The following CELF2 variants were observed in gnomAD, a reference collection of about 807,000 sequenced individuals.
CELF2 encodes the protein CUGBP Elav-like family member 2.
In CELF2, 8 loss-of-function variants were observed where a neutral mutation model predicts 62.6. The ratio of observed to expected loss-of-function variants is 0.13; its 90% confidence interval spans 0.07 to 0.23. The LOEUF is 0.23. CELF2 is among the 10% of genes least tolerant of loss of function. The pLI, the probability that CELF2 is intolerant of heterozygous loss-of-function variation, is 1.00. For synonymous variants in CELF2, 258 were observed against 250.0 expected, an observed-to-expected ratio of 1.03 and a Z score of -0.30; for missense variants, 333 against 671.0, an observed-to-expected ratio of 0.50 and a Z score of 5.56.
At chr10:11,303,996 A>G (rs2093994399) in intron 9 of CELF2, among the ~76,000 whole-genome samples, 1 of 152,270 alleles carries the variant, frequency 6.6e-6, no homozygotes, top group Admixed American at 6.5e-5. Context: ...GCTCACTGTT[A>G]GCTTTATTCC....
the CELF2 span, among the ~76,000 whole-genome samples, chr10:10,711,831 G>A: frequency 2.6e-5 from 4 of 152,086 alleles, no homozygotes; most frequent in African/African-American, 9.7e-5. Context: ...GCAGTGAGCC[G>A]AGATCGTGCC....
intron 2 of CELF2, among the ~76,000 whole-genome samples, chr10:11,180,482 G>C (rs2072952022): frequency 6.6e-6 from 1 of 152,188 alleles, no homozygotes; most frequent in South Asian, 2.1e-4. Flanking sequence ...TCTGGACTCG[G>C]TAAAACCGAC....
intron 1 of CELF2, among the ~76,000 whole-genome samples, chr10:11,084,243 G>C (rs2074810017): frequency 2.0e-5 from 3 of 152,226 alleles, no homozygotes; most frequent in Admixed American, 2.0e-4. Flanking sequence ...ATATGGTGGT[G>C]GAAACAAACG....
intron 1 of CELF2, among the ~76,000 whole-genome samples, chr10:10,873,545 G>C (rs886613709): frequency 1.3e-5 from 2 of 152,174 alleles, no homozygotes; most frequent in Admixed American, 1.3e-4. Context: ...TCATATTGTT[G>C]ATAACAGGCA....
At chr10:10,750,406 G>A in the CELF2 span, among the ~76,000 whole-genome samples, 2 of 152,196 alleles carry the variant, frequency 1.3e-5, no homozygotes, top group Non-Finnish European at 2.9e-5. Flanking sequence ...CAAAAAATCA[G>A]AGAAAGATTC....
chr10:10,617,897 T>A, the CELF2 span, among the ~76,000 whole-genome samples: 1 of 152,122 alleles, frequency 6.6e-6, no homozygotes, highest in Non-Finnish European at 1.5e-5. Flanking sequence ...TTTTCCTAAT[T>A]GGTACAACAT....
At chr10:10,619,730 G>A in the CELF2 span, among the ~76,000 whole-genome samples, 2 of 152,222 alleles carry the variant, frequency 1.3e-5, no homozygotes, top group Non-Finnish European at 1.5e-5. Flanking sequence ...CCAGAATCTT[G>A]AAGATAGGAG....
At chr10:11,196,979 G>GAGAA (rs139016929) in intron 2 of CELF2, among the ~76,000 whole-genome samples, 2 of 33,436 alleles carry the variant, frequency 6.0e-5, no homozygotes, top group African/African-American at 2.2e-4. Context: ...GAAAGAAAGA[G>GAGAA]AGAAAGAAAG....
At chr10:10,723,949 A>G in the CELF2 span, among the ~76,000 whole-genome samples, 7 of 152,296 alleles carry the variant, frequency 4.6e-5, no homozygotes, top group Middle Eastern at 6.8e-3. Flanking sequence ...TTCATCTCCA[A>G]TGTACCAGTA....
the CELF2 span, among the ~76,000 whole-genome samples, chr10:10,502,648 T>C: frequency 5.6e-4 from 85 of 152,156 alleles, no homozygotes; most frequent in African/African-American, 2.0e-3. Context: ...AATGGCAATT[T>C]GCATATTCTT....
chr10:10,542,800 C>T, the CELF2 span, among the ~76,000 whole-genome samples: 16 of 152,312 alleles, frequency 1.1e-4, no homozygotes, highest in East Asian at 5.8e-4. Flanking sequence ...GATAATAATA[C>T]AAGACAGTAG....
chr10:11,209,797 AGG>A (rs2061363247), intron 2 of CELF2, among the ~76,000 whole-genome samples: 1 of 151,908 alleles, frequency 6.6e-6, no homozygotes, highest in Admixed American at 6.5e-5. Flanking sequence ...GAAAAAAAAA[AGG>A]TATTAAATTC....
intron 1 of CELF2, among the ~76,000 whole-genome samples, chr10:10,848,700 T>G (rs954968501): frequency 1.3e-5 from 2 of 152,144 alleles, no homozygotes; most frequent in African/African-American, 4.8e-5. Context: ...ATCTTTCTCC[T>G]AGGCCAGCGT....
intron 1 of CELF2, among the ~76,000 whole-genome samples, chr10:11,111,951 A>G (rs966120916): frequency 1.3e-5 from 2 of 152,258 alleles, no homozygotes; most frequent in East Asian, 1.9e-4. Flanking sequence ...TGCAACCTGT[A>G]TGCTCGGCCT....
chr10:10,635,008 A>G, the CELF2 span, among the ~76,000 whole-genome samples: 2 of 152,202 alleles, frequency 1.3e-5, no homozygotes, highest in African/African-American at 4.8e-5. Flanking sequence ...CCTGGAGGCC[A>G]CACAGCAGAA....
the CELF2 span, among the ~76,000 whole-genome samples, chr10:10,616,890 G>C: frequency 2.0e-5 from 3 of 151,580 alleles, no homozygotes; most frequent in African/African-American, 7.3e-5. Context: ...GCATGTAGCT[G>C]GGACCACAGG....
rs1217527026 is a variant in CELF2 at position 11,256,617 on chromosome 10, C to T, written c.404-1121C>T. On this transcript the variant is annotated intron_variant, in intron 4 of 12. Coordinates refer to ENST00000633077, the MANE Select transcript of CELF2 (RefSeq NM_001326342.2). ...TTCTAAGAAATAGATTGAAATGAAA[C>T]GATGGAAAAGAAGCAGGACTTCTCC... Among the ~76,000 whole-genome samples the T allele has an allele frequency of 6.5e-5, 7 of 108,134 alleles. No homozygotes were observed. The East Asian group carries it at 1.3e-3, about 19-fold the overall frequency. 70.9% of individuals were successfully genotyped at this position (108,134 alleles called of 152,430 possible). A position where few individuals can be genotyped will look rare whatever the true frequency, so the allele number is the denominator to read the frequency against.
chr10:10,969,532 T>A (rs145081339), intron 2 of CELF2, among the ~76,000 whole-genome samples: 1 of 152,204 alleles, frequency 6.6e-6, no homozygotes, highest in African/African-American at 2.4e-5. Context: ...GTGCTACACA[T>A]ACAAAGATAC....
Position 11,247,587 on chromosome 10 carries a change from TATGCCCGCCATCCC to T in CELF2, c.355-1550_355-1537del, listed in dbSNP as rs374177948. ...CCCTGCCATCCCACCCCCTCCATCC[TATGCCCGCCATCCC>T]ATGCCCGCCATCCCACCCCTGCCAC... On this transcript the variant is annotated intron_variant, in intron 3 of 12. Transcript: ENST00000633077. This position sits in a 1 kb window ranked among gnomAD's most constrained non-coding sequence, Gnocchi z 5.4. Among the ~76,000 whole-genome samples the T allele has an allele frequency of 7.3e-4, 87 of 119,094 alleles. No homozygotes were observed. Among genetic ancestry groups the T allele is most frequent in the Middle Eastern group, 3.7e-3 (1 of 270 alleles). The allele number at this position is 119,094 out of a possible 152,430, so 78.1% of individuals were successfully genotyped here.
Sources: gnomAD v4.1 joint callset for allele counts (sites outside exome capture counted in the v4.1 genomes callset) on GRCh38, gnomAD v4.1.1 for gene constraint, Gnocchi (gnomAD v3.1) non-coding constraint, MANE v1.5 for transcripts, NCBI Gene and HGNC (gene_info 2026-07-23, HGNC 2026-07-21) for gene names.